KLHL14: variants seen among roughly 807,000 people sequenced by gnomAD.
The protein encoded by KLHL14 is kelch-like protein 14.
A neutral mutation model predicts 64.3 loss-of-function variants in KLHL14; 22 were observed. The ratio of observed to expected loss-of-function variants is 0.34; its 90% CI spans 0.24 to 0.49. The LOEUF is 0.49. Among genes scored for constraint, KLHL14 ranks in the 20% least tolerant of loss-of-function variants. The pLI, the probability that KLHL14 is intolerant of heterozygous loss-of-function variation, is 0.99. For synonymous variants in KLHL14, 322 were observed against 333.4 expected, an observed-to-expected ratio of 0.97 and a Z score of 0.37; for missense variants, 661 against 789.0, an observed-to-expected ratio of 0.84 and a Z score of 1.94.
At chr18:32,731,261 T>C (rs1462260476) in intron 3 of KLHL14, among the ~76,000 whole-genome samples, 1 of 152,254 alleles carries the variant, frequency 6.6e-6, no homozygotes, top group Non-Finnish European at 1.5e-5. Flanking sequence ...TCATTACGTC[T>C]TTATTTTGAT....
At chr18:32,763,112 T>C (rs920350327) in intron 2 of KLHL14, among the ~76,000 whole-genome samples, 3 of 151,722 alleles carry the variant, frequency 2.0e-5, no homozygotes, top group African/African-American at 7.2e-5. Flanking sequence ...TTCAAGGTTT[T>C]TTTTTTTTTT....
At chr18:32,713,303 C>T (rs1003140156) in intron 3 of KLHL14, among the ~76,000 whole-genome samples, 6 of 152,188 alleles carry the variant, frequency 3.9e-5, no homozygotes, top group African/African-American at 7.2e-5. Flanking sequence ...TGCCCCCAAA[C>T]GAACCCCTGG....
At chr18:32,739,748 T>C (rs910840549) in intron 3 of KLHL14, among the ~76,000 whole-genome samples, 1 of 152,114 alleles carries the variant, frequency 6.6e-6, no homozygotes, top group Non-Finnish European at 1.5e-5. Context: ...TCTTAATCTA[T>C]AGATTATTAA....
chr18:32,752,807 G>A (rs1271982635), intron 2 of KLHL14, among the ~76,000 whole-genome samples: 5 of 140,768 alleles, frequency 3.6e-5, no homozygotes, highest in Non-Finnish European at 7.6e-5. Context: ...TTTTTGAGAC[G>A]GAGTCTCGCT....
chr18:32,699,015 C>G (rs1364130847), intron 3 of KLHL14, among the ~76,000 whole-genome samples: 3 of 152,118 alleles, frequency 2.0e-5, no homozygotes, highest in East Asian at 3.9e-4. Context: ...TAGATGTTAG[C>G]AATCGTAACA....
rs1398662529 is a variant in KLHL14, at chr18:32,680,575, C to A, written c.1263G>T (p.Arg421=). The A allele has an allele frequency of 1.9e-6, 3 of 1,612,236 alleles. No homozygotes were observed. The highest frequency in any genetic ancestry group is 2.5e-6 in the Non-Finnish European group (3 of 1,179,282). ...QERRASFYAC[R]LDKHLYVIGG... is the part of the protein sequence containing the mutation. The stretch of plus-strand genomic sequence containing the variant: ...CAATTACGTATAAATGCTTGTCCAA[C>A]CGACATGCATAGAAACTGGCTCTTC... Residue 421 remains arginine (R), a synonymous_variant, in exon 6 of 9, where the codon CGG becomes CGT. Coordinates refer to ENST00000359358, the MANE Select transcript of KLHL14 (RefSeq NM_020805.3). The surrounding 1 kb of genome is among the most constrained non-coding windows in gnomAD (Gnocchi z 4.8).
intron 2 of KLHL14, among the ~76,000 whole-genome samples, chr18:32,768,270 G>C (rs1344073855): frequency 2.0e-5 from 3 of 152,090 alleles, no homozygotes; most frequent in African/African-American, 7.2e-5. Flanking sequence ...TTTGTTACAA[G>C]TTCAAGATTT....
chr18:32,686,177 ATTTTT>A (rs148393455), intron 5 of KLHL14, among the ~76,000 whole-genome samples: 152 of 107,646 alleles, frequency 1.4e-3, no homozygotes, highest in African/African-American at 5.2e-3. Flanking sequence ...GTGCCCGGCT[ATTTTT>A]TTTTTTTTTT....
chr18:32,676,613 C>G lies in KLHL14; in HGVS notation c.1746+560G>C, dbSNP rs546661248. Among the ~76,000 whole-genome samples, 3 of 152,052 alleles carry G rather than the reference C, an allele frequency of 2.0e-5. 1 individual carries two copies. The East Asian group carries it at 5.8e-4, about 29-fold the overall frequency. On this transcript the variant is annotated intron_variant, in intron 8 of 8. Transcript: ENST00000359358. ...ACATCTGGGATCTACTTCATATTGC[C>G]TGAGCCAAAGATTTTAAAAGTGGGG...
intron 5 of KLHL14, among the ~76,000 whole-genome samples, chr18:32,686,219 C>T (rs1406006776): frequency 6.5e-5 from 8 of 123,936 alleles, no homozygotes; most frequent in East Asian, 4.9e-4. Context: ...TTAGTAGAGA[C>T]GGGGTTTCAC....
rs770247120 is a variant in KLHL14 at position 32,770,035 on chromosome 18, T to C, written c.557A>G (p.Tyr186Cys). 2.3e-5 allele frequency: 37 copies of C among 1,613,868 alleles called. No homozygotes were observed. The highest frequency in any genetic ancestry group is 3.1e-5 in the Non-Finnish European group (36 of 1,179,982). Residue 186 changes from tyrosine (Y) to cysteine (C), a missense_variant, in exon 2 of 9, where the codon TAC becomes TGC. Tyr to Cys is a radical substitution (Grantham distance 194, BLOSUM62 -2). Around this residue, in one of 2 missense-constraint regions of KLHL14, gnomAD observed 331 missense variants for 339.0 expected, o/e 0.98. Transcript: ENST00000359358. This position sits in a 1 kb window ranked among gnomAD's most constrained non-coding sequence, Gnocchi z 6.7. Reference sequence around the variant, plus strand: ...CGCGGCGATCTTGCACACCTGCTTGTAGTTCTGCACCGAGATCTGGTCGTT... The same window carrying C: ...CGCGGCGATCTTGCACACCTGCTTGCAGTTCTGCACCGAGATCTGGTCGTT... ...FLNDQISVQN[Y>C]KQVCKIAALH...
chr18:32,688,818 T>C (rs551779547), intron 4 of KLHL14, among the ~76,000 whole-genome samples: 1 of 151,752 alleles, frequency 6.6e-6, no homozygotes, highest in African/African-American at 2.4e-5. Context: ...GTATAAAGAG[T>C]AGACTATAGG....
Position 32,770,751 on chromosome 18 carries a change from G to A in KLHL14, c.-43-117C>T. The A allele has an allele frequency of 3.2e-6, 2 of 625,302 alleles. No individual in the cohort carries two copies. Among genetic ancestry groups the A allele is most frequent in the Non-Finnish European group, 5.0e-6 (2 of 403,304 alleles). The allele number at this position is 625,302 out of a possible 1,614,324, so 38.7% of individuals were successfully genotyped here. On this transcript the variant is annotated intron_variant, in intron 1 of 8. Coordinates refer to ENST00000359358, the MANE Select transcript of KLHL14 (RefSeq NM_020805.3). The surrounding 1 kb of genome is among the most constrained non-coding windows in gnomAD (Gnocchi z 6.7). ...GGGAGGGCGAAGAACAAGAATCAAG[G>A]CTCAGCTTGACTCCCTCCTGGCGCG... is the stretch of plus-strand genomic sequence containing the variant.
intron 2 of KLHL14, among the ~76,000 whole-genome samples, chr18:32,757,127 T>C (rs2050286162): frequency 2.0e-5 from 3 of 152,180 alleles, no homozygotes; most frequent in Admixed American, 2.0e-4. Flanking sequence ...ATAATCAAAA[T>C]AGAAATTGTT....
At position 32,770,568 on chromosome 18, in the gene KLHL14, G is replaced by C; in HGVS notation, c.24C>G (p.Thr8=). The C allele has an allele frequency of 1.3e-6, 2 of 1,589,536 alleles. No individual in the cohort carries two copies. Among genetic ancestry groups the C allele is most frequent in the Non-Finnish European group, 1.7e-6 (2 of 1,172,412 alleles). ...CGCTGTGGCTGGGGTCGAAGGTGGA[G>C]GTCCTGTCCCCGGATCTGGACATGG... MSRSGDR[T]STFDPSHSDN... The change falls in exon 2 of 9, where the codon ACC becomes ACG. Residue 8 remains threonine, a synonymous_variant. Transcript: ENST00000359358. This position sits in a 1 kb window ranked among gnomAD's most constrained non-coding sequence, Gnocchi z 6.7.
At chr18:32,744,919 C>G (rs932039217) in intron 2 of KLHL14, 4 of 152,158 alleles carry the variant, frequency 2.6e-5, no homozygotes, top group African/African-American at 9.7e-5. Context: ...ACGGTAACAC[C>G]CTCCACCCCT....
chr18:32,695,851 C>T (rs2049934210), intron 3 of KLHL14, among the ~76,000 whole-genome samples: 1 of 152,148 alleles, frequency 6.6e-6, no homozygotes, highest in Admixed American at 6.5e-5. Flanking sequence ...GTTCTCCTAG[C>T]CTGCCTGATG....
chr18:32,687,669 A>C (rs1226662617), intron 4 of KLHL14, among the ~76,000 whole-genome samples: 3 of 152,228 alleles, frequency 2.0e-5, no homozygotes, highest in African/African-American at 7.2e-5. Context: ...CAACAACAAC[A>C]ACAAAAACTT....
chr18:32,675,375 T>C (rs1441352854), intron 8 of KLHL14, among the ~76,000 whole-genome samples: 1 of 151,950 alleles, frequency 6.6e-6, no homozygotes, highest in Non-Finnish European at 1.5e-5. Context: ...AAAAATAATA[T>C]ACCAAAAATA....
Sources: allele counts gnomAD v4.1 joint callset (sites outside exome capture counted in the v4.1 genomes callset), GRCh38; gene constraint gnomAD v4.1.1; regional missense constraint gnomAD v4.1.1; non-coding constraint Gnocchi (gnomAD v3.1); transcripts MANE v1.5; gene names NCBI Gene and HGNC (gene_info 2026-07-23, HGNC 2026-07-21).